The following NECAB1 variants were observed in gnomAD, a reference collection of about 807,000 sequenced individuals.
NECAB1 encodes N-terminal EF-hand calcium-binding protein 1.
Under a neutral mutation model 57.5 loss-of-function variants are expected in NECAB1, and 29 were observed. That is an observed-to-expected ratio of 0.50 (90% CI 0.38 to 0.69). The LOEUF (loss-of-function observed/expected upper bound fraction) is 0.69. Among genes scored for constraint, NECAB1 ranks in the 30% least tolerant of loss-of-function variants. NECAB1 has a pLI of 0.00. For missense variants in NECAB1, 372 were observed against 413.8 expected, an observed-to-expected ratio of 0.90 and a Z score of 0.88; for synonymous variants, 142 against 147.7, an observed-to-expected ratio of 0.96 and a Z score of 0.28.
chr8:90,843,181 A>C (rs1009426630), intron 3 of NECAB1, among the ~76,000 whole-genome samples: 1 of 152,158 alleles, frequency 6.6e-6, no homozygotes, highest in Admixed American at 6.5e-5. Context: ...GAAAACAGGA[A>C]GGGGAAAAAC....
intron 4 of NECAB1, among the ~76,000 whole-genome samples, chr8:90,876,380 C>T (rs1235250968): frequency 6.6e-6 from 1 of 152,098 alleles, no homozygotes; most frequent in Non-Finnish European, 1.5e-5. Context: ...AACACTCTCT[C>T]TCATCTCAAT....
chr8:90,850,449 G>A (rs1484397623), intron 3 of NECAB1, among the ~76,000 whole-genome samples: 3 of 152,174 alleles, frequency 2.0e-5, no homozygotes, highest in African/African-American at 7.2e-5. Flanking sequence ...AAAAGATCTG[G>A]TGTAATGTCA....
At position 90,800,993 on chromosome 8, in the gene NECAB1, G is replaced by A. The variant is rs866168118; in HGVS notation, c.100-698G>A. 7.2e-5 allele frequency among the ~76,000 whole-genome samples: 11 copies of A among 152,198 alleles called. No homozygotes were observed. The East Asian group carries it at 9.6e-4, about 13-fold the overall frequency. On this transcript the variant is annotated intron_variant, in intron 1 of 12. Transcript: ENST00000417640. ...TATACATCAAGACAATTTAAAATACGTCCAAGATAATATGATTAATAAAGT... is the reference window on the plus strand; with the variant it reads ...TATACATCAAGACAATTTAAAATACATCCAAGATAATATGATTAATAAAGT...
chr8:90,941,814 T>C (rs974144818), intron 10 of NECAB1, among the ~76,000 whole-genome samples: 14 of 152,240 alleles, frequency 9.2e-5, no homozygotes, highest in Admixed American at 6.5e-4. Flanking sequence ...TGCAAGTCTC[T>C]GCCAGCCCAT....
intron 2 of NECAB1, among the ~76,000 whole-genome samples, chr8:90,820,973 G>A (rs1007718630): frequency 6.6e-6 from 1 of 151,768 alleles, no homozygotes; most frequent in Admixed American, 6.6e-5. Context: ...AGGCATTTAC[G>A]AAATCTGAAA....
chr8:90,913,917 C>G (rs1809889824), intron 5 of NECAB1, among the ~76,000 whole-genome samples: 3 of 152,172 alleles, frequency 2.0e-5, no homozygotes, highest in African/African-American at 7.2e-5. Flanking sequence ...TCTGTTAGAA[C>G]AAAGCTGTAT....
chr8:90,808,277 G>A (rs1811887581), intron 2 of NECAB1, among the ~76,000 whole-genome samples: 1 of 152,130 alleles, frequency 6.6e-6, no homozygotes, highest in Non-Finnish European at 1.5e-5. Flanking sequence ...GCTACCTTAA[G>A]TGCTTTCTGT....
chr8:90,892,588 T>A (rs938225866), intron 5 of NECAB1, among the ~76,000 whole-genome samples: 2 of 152,232 alleles, frequency 1.3e-5, no homozygotes, highest in Non-Finnish European at 2.9e-5. Context: ...TTTGCTTTAT[T>A]CTCTACGATC....
intron 2 of NECAB1, among the ~76,000 whole-genome samples, chr8:90,803,372 C>G (rs1451263323): frequency 6.6e-6 from 1 of 152,150 alleles, no homozygotes; most frequent in African/African-American, 2.4e-5. Context: ...CTCAGAAATG[C>G]TTTTGCTCCC....
intron 5 of NECAB1, among the ~76,000 whole-genome samples, chr8:90,906,889 A>ATATATATGTATATATATATG (rs1809677088): frequency 1.4e-5 from 1 of 72,856 alleles, no homozygotes; most frequent in African/African-American, 5.7e-5. Flanking sequence ...ATATATATAT[A>ATATATATGTATATATATATG]TATATATATA....
intron 2 of NECAB1, among the ~76,000 whole-genome samples, chr8:90,811,693 C>T (rs1490039626): frequency 1.3e-5 from 2 of 152,150 alleles, no homozygotes; most frequent in Non-Finnish European, 2.9e-5. Flanking sequence ...CCTTTCTTGT[C>T]TCTACATCTC....
At chr8:90,953,001 C>A (rs923551287) in intron 12 of NECAB1, among the ~76,000 whole-genome samples, 1 of 152,082 alleles carries the variant, frequency 6.6e-6, no homozygotes, top group African/African-American at 2.4e-5. Flanking sequence ...ATGAATAGGA[C>A]TTTGGCATCA....
At chr8:90,919,179 G>C (rs1218885465) in intron 6 of NECAB1, among the ~76,000 whole-genome samples, 1 of 152,138 alleles carries the variant, frequency 6.6e-6, no homozygotes, top group Non-Finnish European at 1.5e-5. Context: ...GCCAACAGTT[G>C]ATATTTTTCT....
At chr8:90,929,762 A>T (rs1295107597) in intron 8 of NECAB1, among the ~76,000 whole-genome samples, 1 of 152,214 alleles carries the variant, frequency 6.6e-6, no homozygotes, top group African/African-American at 2.4e-5. Flanking sequence ...TAACAAGGAA[A>T]GTAATATTTG....
intron 10 of NECAB1, among the ~76,000 whole-genome samples, chr8:90,945,918 G>C (rs1462741823): frequency 6.6e-6 from 1 of 152,206 alleles, no homozygotes; most frequent in East Asian, 1.9e-4. Flanking sequence ...AAAGACACAG[G>C]CTGTTTCGGG....
intron 3 of NECAB1, among the ~76,000 whole-genome samples, chr8:90,855,969 G>A (rs1812785823): frequency 6.6e-6 from 1 of 152,120 alleles, no homozygotes; most frequent in Admixed American, 6.6e-5. Flanking sequence ...ATGTTTGGGG[G>A]TAGGTAAAAT....
intron 6 of NECAB1, among the ~76,000 whole-genome samples, chr8:90,923,365 C>G (rs1810174200): frequency 7.1e-6 from 1 of 141,708 alleles, no homozygotes; most frequent in South Asian, 2.2e-4. Context: ...TATTTTACTC[C>G]CAGAGTACTA....
At chr8:90,851,592 C>G (rs1401490157) in intron 3 of NECAB1, among the ~76,000 whole-genome samples, 1 of 152,090 alleles carries the variant, frequency 6.6e-6, no homozygotes, top group Non-Finnish European at 1.5e-5. Context: ...AAGGGGGCAT[C>G]TTTTATTTCC....
At chr8:90,920,149 T>C (rs1038546) in intron 6 of NECAB1, among the ~76,000 whole-genome samples, 81,675 of 152,044 alleles carry the variant, frequency 0.54, 25,963 homozygotes, top group African/African-American at 0.87. Context: ...AAATGTTACA[T>C]GTCTGACTGC....
Sources: allele counts gnomAD v4.1 joint callset (sites outside exome capture counted in the v4.1 genomes callset), GRCh38; gene constraint gnomAD v4.1.1; transcripts MANE v1.5; gene names NCBI Gene and HGNC (gene_info 2026-07-23, HGNC 2026-07-21).